The following NLGN1 variants were observed in gnomAD, a reference collection of about 807,000 sequenced individuals.
NLGN1 encodes the protein neuroligin-1.
A neutral mutation model predicts 65.5 loss-of-function variants in NLGN1; 12 were observed. The ratio of observed to expected loss-of-function variants is 0.18; its 90% CI spans 0.12 to 0.30. The LOEUF is 0.30. NLGN1 is among the 10% of genes least tolerant of loss of function. The pLI is 1.00. For missense variants in NLGN1, 750 were observed against 1,007.1 expected, an observed-to-expected ratio of 0.74 and a Z score of 3.46; for synonymous variants, 350 against 359.5, an observed-to-expected ratio of 0.97 and a Z score of 0.30.
chr3:174,026,190 A>G (rs12490983), intron 4 of NLGN1, among the ~76,000 whole-genome samples: 39,320 of 152,020 alleles, frequency 0.26, 6,004 homozygotes, highest in African/African-American at 0.42. Context: ...ACAGTGGCAC[A>G]ATCACTGCTC....
At chr3:173,508,302 A>T (rs188544663) in intron 2 of NLGN1, among the ~76,000 whole-genome samples, 43 of 152,280 alleles carry the variant, frequency 2.8e-4, no homozygotes, top group African/African-American at 1.0e-3. Context: ...TTGATCAATG[A>T]GGTAATAAAT....
chr3:173,499,794 G>A (rs941483431), intron 2 of NLGN1, among the ~76,000 whole-genome samples: 5 of 151,856 alleles, frequency 3.3e-5, no homozygotes, highest in Middle Eastern at 6.8e-3. Context: ...TGGATTCCTA[G>A]GTATTTTATT....
chr3:173,961,911 A>G (rs75379154), intron 4 of NLGN1, among the ~76,000 whole-genome samples: 2,429 of 152,132 alleles, frequency 0.016, 73 homozygotes, highest in African/African-American at 0.055. Context: ...ATAACTCTGG[A>G]CTAATTTGTC....
chr3:173,660,781 T>C (rs1195410455), intron 3 of NLGN1, among the ~76,000 whole-genome samples: 1 of 151,978 alleles, frequency 6.6e-6, no homozygotes, highest in Non-Finnish European at 1.5e-5. Flanking sequence ...CACTGTCAAG[T>C]CCTTTTGACT....
chr3:173,595,245 A>G (rs1749254806), intron 2 of NLGN1, among the ~76,000 whole-genome samples: 1 of 152,154 alleles, frequency 6.6e-6, no homozygotes, highest in Admixed American at 6.6e-5. Flanking sequence ...ACAGCTCCCA[A>G]GTCACCTCTT....
At chr3:173,610,027 C>T (rs893377886) in intron 3 of NLGN1, among the ~76,000 whole-genome samples, 3 of 151,772 alleles carry the variant, frequency 2.0e-5, no homozygotes, top group African/African-American at 7.3e-5. Flanking sequence ...TAAAAAGTCA[C>T]TCTGGTGGAT....
intron 3 of NLGN1, among the ~76,000 whole-genome samples, chr3:173,638,362 A>C: frequency 6.9e-6 from 1 of 145,246 alleles, no homozygotes; most frequent in East Asian, 2.1e-4. Context: ...TAATGGGAAA[A>C]GGTTCTGCAA....
chr3:173,519,301 A>G (rs1328206192), intron 2 of NLGN1, among the ~76,000 whole-genome samples: 4 of 152,212 alleles, frequency 2.6e-5, no homozygotes, highest in Non-Finnish European at 5.9e-5. Context: ...GGGAGCCTCC[A>G]CAGAGAGTCC....
intron 4 of NLGN1, among the ~76,000 whole-genome samples, chr3:174,110,291 C>T (rs1220468356): frequency 6.6e-6 from 1 of 151,998 alleles, no homozygotes; most frequent in Non-Finnish European, 1.5e-5. Context: ...CTCCACCTCT[C>T]AAATGAACTA....
At chr3:173,700,985 C>T (rs2861334) in intron 3 of NLGN1, among the ~76,000 whole-genome samples, 2,536 of 152,084 alleles carry the variant, frequency 0.017, 68 homozygotes, top group African/African-American at 0.056. Flanking sequence ...ATTAGCTGGG[C>T]GTGGTGGCGG....
At chr3:174,229,505 T>C (rs553499201) in intron 4 of NLGN1, among the ~76,000 whole-genome samples, 1 of 152,298 alleles carries the variant, frequency 6.6e-6, no homozygotes, top group African/African-American at 2.4e-5. Flanking sequence ...GTTAGATTTG[T>C]TTTCATTTAC....
intron 2 of NLGN1, among the ~76,000 whole-genome samples, chr3:173,515,305 G>A (rs140573333): frequency 3.9e-5 from 6 of 152,146 alleles, no homozygotes; most frequent in African/African-American, 1.4e-4. Flanking sequence ...TTGGAAAAAT[G>A]TCTATTCAAG....
intron 2 of NLGN1, among the ~76,000 whole-genome samples, chr3:173,491,292 T>A (rs969430921): frequency 6.6e-6 from 1 of 151,910 alleles, no homozygotes. Context: ...TTATTGACAG[T>A]TTTTAGCATG....
chr3:173,651,355 G>A (rs910580482), intron 3 of NLGN1, among the ~76,000 whole-genome samples: 15 of 150,930 alleles, frequency 9.9e-5, no homozygotes, highest in African/African-American at 3.4e-4. Flanking sequence ...TTTTTTATTC[G>A]CTCATCTGTT....
At chr3:173,528,608 C>CATATTTCT (rs1021287795) in intron 2 of NLGN1, among the ~76,000 whole-genome samples, 7 of 152,174 alleles carry the variant, frequency 4.6e-5, no homozygotes, top group African/African-American at 1.7e-4. Flanking sequence ...CACATAATTC[C>CATATTTCT]ATATTTCTCC....
intron 4 of NLGN1, among the ~76,000 whole-genome samples, chr3:174,019,081 C>T (rs1727213328): frequency 6.6e-6 from 1 of 151,854 alleles, no homozygotes; most frequent in Non-Finnish European, 1.5e-5. Context: ...TCAATGCCAC[C>T]AAATACAAGC....
chr3:173,929,576 C>CA (rs538842767), intron 4 of NLGN1, among the ~76,000 whole-genome samples: 2,696 of 84,764 alleles, frequency 0.032, 75 homozygotes, highest in African/African-American at 0.092. Flanking sequence ...CTGTCATTTC[C>CA]AAAAAAAAAA....
chr3:174,146,879 T>A (rs2152697532), intron 4 of NLGN1, among the ~76,000 whole-genome samples: 1 of 152,304 alleles, frequency 6.6e-6, no homozygotes, highest in Admixed American at 6.5e-5. Flanking sequence ...ACATGAATCT[T>A]AATTACAAAG....
chr3:173,531,806 AT>A (rs889563175), intron 2 of NLGN1, among the ~76,000 whole-genome samples: 9 of 152,222 alleles, frequency 5.9e-5, no homozygotes, highest in Non-Finnish European at 1.0e-4. Flanking sequence ...CAGGGAGGAT[AT>A]TTGATCCTTT....
Sources: gnomAD v4.1 joint callset for allele counts (sites outside exome capture counted in the v4.1 genomes callset) on GRCh38, gnomAD v4.1.1 for gene constraint, MANE v1.5 for transcripts, NCBI Gene and HGNC (gene_info 2026-07-23, HGNC 2026-07-21) for gene names.